SLC47A2: variants seen among roughly 807,000 people sequenced by gnomAD.
SLC47A2 encodes solute carrier family 47 member 2.
SLC47A2 carries 52 observed loss-of-function variants against 67.7 expected under a neutral mutation model. That is an observed-to-expected ratio of 0.77 (90% CI 0.61 to 0.97). The LOEUF is 0.97. SLC47A2 is among the 50% of genes least tolerant of loss of function. The probability of loss-of-function intolerance (pLI) is 0.00; values close to 1 mark genes in which losing one functional copy is unlikely to be tolerated. For missense variants in SLC47A2, 676 were observed against 712.3 expected (o/e 0.95, Z 0.58); for synonymous variants, 278 against 292.9 (o/e 0.95, Z 0.52).
intron 4 of SLC47A2, 82 bp from the exon 5 acceptor site, chr17:19,712,827 T>G: frequency 7.3e-7 from 1 of 1,373,416 alleles, no homozygotes; most frequent in Middle Eastern, 2.1e-4. Flanking sequence ...CCTCCAGGAC[T>G]GGGTGCTCGG....
chr17:19,691,505 C>T (rs1053048312), intron 13 of SLC47A2, among the ~76,000 whole-genome samples: 7 of 152,212 alleles, frequency 4.6e-5, no homozygotes, highest in African/African-American at 1.4e-4. Flanking sequence ...GCACAGAAAG[C>T]CAGACTTTGT....
chr17:19,699,570 T>G (rs964791321), intron 13 of SLC47A2, among the ~76,000 whole-genome samples: 1 of 151,750 alleles, frequency 6.6e-6, no homozygotes, highest in Non-Finnish European at 1.5e-5. Context: ...CCCAGCTAAT[T>G]TTTAAAAACT....
intron 13 of SLC47A2, among the ~76,000 whole-genome samples, chr17:19,699,633 G>T (rs923820189): frequency 9.9e-5 from 15 of 152,046 alleles, no homozygotes; most frequent in Non-Finnish European, 1.0e-4. Context: ...AAACTCCTTG[G>T]TTGAAATGAT....
chr17:19,712,122 C>T (rs2152361477), intron 5 of SLC47A2, among the ~76,000 whole-genome samples: 1 of 152,296 alleles, frequency 6.6e-6, no homozygotes, highest in South Asian at 2.1e-4. Context: ...CACGGTGGCT[C>T]ACATCTGTAA....
chr17:19,678,705 ATC>A lies in SLC47A2; in HGVS notation c.1680_1681del (p.Arg560SerfsTer38). On this transcript the variant is annotated frameshift_variant, in exon 17 of 17. Transcript: ENST00000433844. LOFTEE classifies it high-confidence loss of function. ...TCTTTGCTAGTGCCTGGTGGCTAGG[ATC>A]CTGACCGTGAGCCCCACCATCAGTG... 6.2e-7 allele frequency: 1 copy of A among 1,612,894 alleles called. No homozygotes were observed. Among genetic ancestry groups the A allele is most frequent in the Non-Finnish European group, 8.5e-7 (1 of 1,180,002 alleles).
intron 3 of SLC47A2, 64 bp from the exon 4 acceptor site, chr17:19,714,037 G>T: frequency 6.4e-7 from 1 of 1,551,118 alleles, no homozygotes. Context: ...AATCCCGCGC[G>T]GGGAGCGGGC....
intron 5 of SLC47A2, 139 bp from the exon 6 acceptor site, chr17:19,708,899 G>A: frequency 8.9e-7 from 1 of 1,125,486 alleles, no homozygotes; most frequent in Non-Finnish European, 1.3e-6. Context: ...GGACCTCTCA[G>A]GTGCGGCCAA....
At chr17:19,705,611 C>A in intron 9 of SLC47A2, 108 bp from the exon 10 acceptor site, 1 of 958,918 alleles carries the variant, frequency 1.0e-6, no homozygotes. Context: ...TTTTTTTTTT[C>A]TTCCTTGAGA....
intron 3 of SLC47A2, 160 bp downstream of exon 3, chr17:19,714,561 C>G: frequency 1.3e-6 from 1 of 768,000 alleles, no homozygotes; most frequent in Non-Finnish European, 2.2e-6. Flanking sequence ...GTTTCCCTGA[C>G]AGCCTGTGGT....
At chr17:19,702,991 C>G in intron 12 of SLC47A2, 101 bp downstream of exon 12, 2 of 1,321,428 alleles carry the variant, frequency 1.5e-6, no homozygotes, top group Non-Finnish European at 2.1e-6. Context: ...TTCCTGCTTC[C>G]TTTGGGCCCA....
In SLC47A2 at chr17:19,702,663, G is replaced by A. The variant is rs368880887; in HGVS notation, c.1106C>T (p.Ala369Val). Residue 369 changes from alanine to valine, a missense_variant, in exon 13 of 17, where the codon GCC becomes GTC. Ala to Val is a moderately conservative substitution (Grantham distance 64, BLOSUM62 0). Transcript: ENST00000433844. The stretch of plus-strand genomic sequence containing the variant: ...AACCGGCAAGACCTGGCTCACCAGG[G>A]CAATGACATCTCTGCAGAAGAAATG... ...HIFTNDEDVI[A>V]LVSQVLPVYS... 4 of 1,613,910 alleles carry A rather than the reference G, an allele frequency of 2.5e-6. No individual in the cohort carries two copies. The Admixed American group carries it at 6.7e-5, about 27-fold the overall frequency.
intron 13 of SLC47A2, among the ~76,000 whole-genome samples, chr17:19,701,107 G>A (rs2085774849): frequency 6.7e-6 from 1 of 148,242 alleles, no homozygotes; most frequent in Non-Finnish European, 1.5e-5. Context: ...GGTGGAGGTT[G>A]CAGTGAACCA....
chr17:19,712,098 C>T (rs116950159), intron 5 of SLC47A2, among the ~76,000 whole-genome samples: 2 of 152,028 alleles, frequency 1.3e-5, no homozygotes, highest in South Asian at 2.1e-4. Flanking sequence ...TAGAAATAAT[C>T]CTGGAGGGCC....
chr17:19,704,510 C>A, intron 10 of SLC47A2: 1 of 842,526 alleles, frequency 1.2e-6, no homozygotes, highest in Non-Finnish European at 1.8e-6. Context: ...TGGTCTTAGT[C>A]CCAGAAAAGC....
In SLC47A2 at chr17:19,715,016, T is replaced by A. The variant is rs1219163105; in HGVS notation, c.225+100A>T. On this transcript the variant is annotated intron_variant, in intron 2 of 16. Coordinates refer to ENST00000433844, the MANE Select transcript of SLC47A2 (RefSeq NM_001099646.3). ...CTGTCCAGCCACGTGGGCTGTGTCTTCCCATCCCTGACCAGCCACCCAAGA... is the reference window on the plus strand; with the variant it reads ...CTGTCCAGCCACGTGGGCTGTGTCTACCCATCCCTGACCAGCCACCCAAGA... The A allele has an allele frequency of 2.1e-5, 29 of 1,379,736 alleles. 1 individual carries two copies. The highest frequency in any genetic ancestry group is 3.0e-5 in the Non-Finnish European group (29 of 980,820). 85.5% of individuals were successfully genotyped at this position (1,379,736 alleles called of 1,614,324 possible).
chr17:19,716,460 C>T lies in SLC47A2; in HGVS notation c.96G>A (p.Trp32Ter), dbSNP rs1039868852. The T allele has an allele frequency of 6.2e-7, 1 of 1,612,192 alleles. No individual in the cohort carries two copies. Among genetic ancestry groups the T allele is most frequent in the Non-Finnish European group, 8.5e-7 (1 of 1,179,228 alleles). Residue 32 changes from tryptophan (W) to a stop codon, truncating the protein, a stop_gained, in exon 1 of 17, where the codon TGG (tryptophan) becomes TGA (stop). Transcript: ENST00000433844. LOFTEE classifies it high-confidence loss of function. The stretch of plus-strand genomic sequence containing the variant: ...GGGGTCCAGAAAGGGCAAAGAGAGT[C>T]CACATCTCAGTCCCAAAGCCTCTGG... ...LVPRGFGTEM[W>*]TLFALSGPLF...
intron 10 of SLC47A2, 145 bp downstream of exon 10, chr17:19,705,291 G>A (rs1198687563): frequency 2.2e-5 from 16 of 728,712 alleles, no homozygotes; most frequent in Non-Finnish European, 2.7e-5. Flanking sequence ...AAGCTGAGCA[G>A]GGTCTGGACC....
chr17:19,689,966 C>T (rs1453875367), intron 13 of SLC47A2, among the ~76,000 whole-genome samples: 1 of 151,982 alleles, frequency 6.6e-6, no homozygotes, highest in Non-Finnish European at 1.5e-5. Context: ...TAGCTAAAGC[C>T]ATCCTGAGCA....
intron 13 of SLC47A2, among the ~76,000 whole-genome samples, chr17:19,698,984 G>A (rs146499217): frequency 1.2e-3 from 186 of 152,302 alleles, no homozygotes; most frequent in African/African-American, 4.0e-3. Context: ...ATTCTCTGCC[G>A]TTTTATATCA....
Sources: allele counts gnomAD v4.1 joint callset (sites outside exome capture counted in the v4.1 genomes callset), GRCh38; gene constraint gnomAD v4.1.1; transcripts MANE v1.5; gene names NCBI Gene and HGNC (gene_info 2026-07-23, HGNC 2026-07-21).